Variants in SAMD4A observed in about 807,000 individuals in gnomAD.
The protein encoded by SAMD4A is sterile alpha motif domain containing 4A.
Under a neutral mutation model 81.3 loss-of-function variants are expected in SAMD4A, and 33 were observed. The ratio of observed to expected loss-of-function variants is 0.41; its 90% CI spans 0.31 to 0.54. SAMD4A has a LOEUF of 0.54. Ranked by LOEUF, SAMD4A falls within the 20% of genes least tolerant of loss-of-function variation. SAMD4A has a pLI of 0.37. For missense variants in SAMD4A, 854 were observed against 951.1 expected, an observed-to-expected ratio of 0.90 and a Z score of 1.34; for synonymous variants, 389 against 382.1, an observed-to-expected ratio of 1.02 and a Z score of -0.21.
intron 2 of SAMD4A, among the ~76,000 whole-genome samples, chr14:54,631,829 G>T (rs746667974): frequency 1.3e-5 from 2 of 152,100 alleles, no homozygotes; most frequent in African/African-American, 4.8e-5. Flanking sequence ...GACATACATA[G>T]CTTCTTTATA....
rs566382935 is a variant in SAMD4A at position 54,583,134 on chromosome 14, G to T, written c.196+15022G>T. On this transcript the variant is annotated intron_variant, in intron 2 of 12. Coordinates refer to ENST00000554335, the MANE Select transcript of SAMD4A (RefSeq NM_015589.6). ...AATTTTTTGTATTTTAGTAGAGACG[G>T]GATAAAAAGATAAATTTTTTACCTT... Among the ~76,000 whole-genome samples the T allele has an allele frequency of 2.6e-5, 4 of 152,088 alleles. No homozygotes were observed. The South Asian group carries it at 6.2e-4, about 24-fold the overall frequency.
chr14:54,566,167 C>G (rs1292067819), upstream of SAMD4A, among the ~76,000 whole-genome samples: 1 of 151,696 alleles, frequency 6.6e-6, no homozygotes, highest in Non-Finnish European at 1.5e-5. Flanking sequence ...GGCCCCGACT[C>G]GAAGCACCGC....
intron 9 of SAMD4A, among the ~76,000 whole-genome samples, chr14:54,771,267 T>C (rs1386860802): frequency 6.6e-6 from 1 of 152,210 alleles, no homozygotes; most frequent in Non-Finnish European, 1.5e-5. Flanking sequence ...ATATGCCAAG[T>C]GGTATCCAAG....
At chr14:54,736,914 G>A (rs904091347) in intron 3 of SAMD4A, 110 bp from the exon 4 acceptor site, 2 of 1,267,130 alleles carry the variant, frequency 1.6e-6, no homozygotes, top group East Asian at 2.4e-5. Flanking sequence ...CATGGATGGA[G>A]TTGTAAGACA....
chr14:54,691,881 C>T (rs140515917), intron 2 of SAMD4A, among the ~76,000 whole-genome samples: 1 of 152,204 alleles, frequency 6.6e-6, no homozygotes, highest in East Asian at 1.9e-4. Flanking sequence ...ACTATGGACT[C>T]GAATATCCTG....
Position 54,748,919 on chromosome 14 carries a change from G to A in SAMD4A, c.1084G>A (p.Ala362Thr). The change falls in exon 5 of 13, where the codon GCG becomes ACG. Residue 362 changes from alanine to threonine, a missense_variant. Physicochemically the swap from Ala to Thr is moderately conservative, Grantham distance 58. Coordinates refer to ENST00000554335, the MANE Select transcript of SAMD4A (RefSeq NM_015589.6). ...MMALTECQLE[A>T]QNVTKGARHK... ...GGCCCTCACCGAGTGCCAGCTGGAG[G>A]CGCAGGTATGTGCTTGAGGTGACTG... 6.4e-7 allele frequency: 1 copy of A among 1,550,996 alleles called. No homozygotes were observed. Among genetic ancestry groups the A allele is most frequent in the Non-Finnish European group, 8.7e-7 (1 of 1,145,948 alleles).
chr14:54,679,952 C>T (rs949750579), intron 2 of SAMD4A, among the ~76,000 whole-genome samples: 6 of 152,210 alleles, frequency 3.9e-5, no homozygotes, highest in Admixed American at 6.5e-5. Flanking sequence ...GGGATAGTGA[C>T]CTCGAGGATT....
chr14:54,648,001 C>T (rs909051180), intron 2 of SAMD4A, among the ~76,000 whole-genome samples: 1 of 152,220 alleles, frequency 6.6e-6, no homozygotes, highest in Non-Finnish European at 1.5e-5. Context: ...TGGCCACCAG[C>T]CACATGTGGC....
At chr14:54,774,838 A>ATTC in intron 9 of SAMD4A, 96 bp from the exon 10 acceptor site, 1 of 865,540 alleles carries the variant, frequency 1.2e-6, no homozygotes, top group Non-Finnish European at 1.7e-6. Context: ...AAAAAAAATG[A>ATTC]GGAGACCTCC....
At chr14:54,692,896 C>T (rs1022614517) in intron 2 of SAMD4A, 1 of 102,872 alleles carries the variant, frequency 9.7e-6, no homozygotes, top group Non-Finnish European at 2.1e-5. Flanking sequence ...GCAAAAAAAT[C>T]AGACATATAA....
chr14:54,635,622 C>A (rs191107948), intron 2 of SAMD4A, among the ~76,000 whole-genome samples: 2 of 150,362 alleles, frequency 1.3e-5, no homozygotes, highest in East Asian at 3.9e-4. Context: ...GTGGCTCATA[C>A]CTGTAATCCC....
chr14:54,760,176 G>C lies in SAMD4A; in HGVS notation c.1192G>C (p.Gly398Arg). The C allele has an allele frequency of 1.9e-6, 3 of 1,612,470 alleles. No individual in the cohort carries two copies. The highest frequency in any genetic ancestry group is 2.5e-6 in the Non-Finnish European group (3 of 1,179,684). ...CACCGTCCAGGACATCATCGAGGGG[G>C]GCAGCCTGCGCATCCCGCTCCAGGA... ...KSLERDIIEGGSLRIPLQELH... is the reference protein window; with the variant it reads ...KSLERDIIEGRSLRIPLQELH... The change falls in exon 7 of 13, where the codon GGC becomes CGC. Residue 398 changes from glycine (G) to arginine (R), a missense_variant. This residue lies in a region of SAMD4A where 428 missense variants were observed against 471.2 expected (regional missense o/e 0.91). Coordinates refer to ENST00000554335, the MANE Select transcript of SAMD4A (RefSeq NM_015589.6).
chr14:54,670,192 C>T (rs1298058141), intron 2 of SAMD4A, among the ~76,000 whole-genome samples: 2 of 152,190 alleles, frequency 1.3e-5, no homozygotes, highest in Admixed American at 6.5e-5. Context: ...CCCCCATCTG[C>T]ACCACCCTCT....
At chr14:54,565,948 C>A (rs919834976), upstream of SAMD4A, among the ~76,000 whole-genome samples, 1 of 152,104 alleles carries the variant, frequency 6.6e-6, no homozygotes, top group Non-Finnish European at 1.5e-5. This position sits in a 1 kb window ranked among gnomAD's most constrained non-coding sequence, Gnocchi z 5.4. Flanking sequence ...ATCCGTCCCC[C>A]CGCCCTGCGC....
Position 54,724,048 on chromosome 14 carries a change from G to GGAAT in SAMD4A, c.716-12975_716-12972dup, listed in dbSNP as rs1555347588. 8.7e-4 allele frequency among the ~76,000 whole-genome samples: 131 copies of GGAAT among 151,056 alleles called. 4 individuals carry two copies. The East Asian group carries it at 0.017, about 20-fold the overall frequency. ...AGGAAGGAAGGAAGGAAGGAAGGAA[G>GGAAT]GAATAATGCAGGACGCATCTATTCA... On this transcript the variant is annotated intron_variant, in intron 3 of 12. Transcript: ENST00000554335.
intron 5 of SAMD4A, among the ~76,000 whole-genome samples, chr14:54,749,272 T>C (rs1470569072): frequency 6.6e-6 from 1 of 152,192 alleles, no homozygotes; most frequent in Non-Finnish European, 1.5e-5. Flanking sequence ...ACAAAGAATC[T>C]ACATCCCTGC....
intron 3 of SAMD4A, among the ~76,000 whole-genome samples, chr14:54,712,157 A>G (rs901293487): frequency 1.3e-5 from 2 of 152,114 alleles, no homozygotes; most frequent in Admixed American, 6.5e-5. Context: ...CCCTGATTCT[A>G]TCTTGCAGGC....
intron 2 of SAMD4A, among the ~76,000 whole-genome samples, chr14:54,664,201 A>G (rs1048395681): frequency 6.6e-6 from 1 of 152,194 alleles, no homozygotes; most frequent in African/African-American, 2.4e-5. Context: ...CTTTAAAGAA[A>G]GAGAACCTGA....
At chr14:54,576,100 G>A (rs182435828) in intron 2 of SAMD4A, among the ~76,000 whole-genome samples, 10 of 145,242 alleles carry the variant, frequency 6.9e-5, no homozygotes, top group Middle Eastern at 3.7e-3. Context: ...CCAGAGACTG[G>A]ATGGGAGAGT....
Sources: allele counts gnomAD v4.1 joint callset (sites outside exome capture counted in the v4.1 genomes callset), GRCh38; gene constraint gnomAD v4.1.1; regional missense constraint gnomAD v4.1.1; non-coding constraint Gnocchi (gnomAD v3.1); transcripts MANE v1.5; gene names NCBI Gene and HGNC (gene_info 2026-07-23, HGNC 2026-07-21).